Variants in TEAD1 observed in about 807,000 individuals in gnomAD.
TEAD1 encodes transcriptional enhancer factor TEF-1.
A neutral mutation model predicts 54.9 loss-of-function variants in TEAD1; 9 were observed. That is an observed-to-expected ratio of 0.16 (90% CI 0.10 to 0.29). TEAD1 has a LOEUF of 0.29. Among genes scored for constraint, TEAD1 ranks in the 10% least tolerant of loss-of-function variants. The probability of loss-of-function intolerance (pLI) is 1.00; values close to 1 mark genes in which losing one functional copy is unlikely to be tolerated. For synonymous variants in TEAD1, 200 were observed against 187.8 expected, an observed-to-expected ratio of 1.07 and a Z score of -0.53; for missense variants, 387 against 535.9, an observed-to-expected ratio of 0.72 and a Z score of 2.74.
intron 3 of TEAD1, among the ~76,000 whole-genome samples, chr11:12,814,160 A>G (rs1009575314): frequency 5.9e-5 from 9 of 152,106 alleles, no homozygotes; most frequent in Non-Finnish European, 1.2e-4. Context: ...TCTCACTGAC[A>G]GTGGATGTCA....
chr11:12,740,229 T>C (rs1451491324), intron 2 of TEAD1, among the ~76,000 whole-genome samples: 1 of 152,196 alleles, frequency 6.6e-6, no homozygotes, highest in Non-Finnish European at 1.5e-5. Context: ...TCCTCATCTC[T>C]AAAATAGGAA....
chr11:12,925,805 G>A (rs2134164000), intron 11 of TEAD1, among the ~76,000 whole-genome samples: 1 of 152,298 alleles, frequency 6.6e-6, no homozygotes, highest in South Asian at 2.1e-4. Context: ...GTAGATAGAC[G>A]TCAAGGTGGT....
Position 12,748,290 on chromosome 11 carries a change from C to T in TEAD1, c.-54-15889C>T, listed in dbSNP as rs542491754. 7.9e-5 allele frequency among the ~76,000 whole-genome samples: 12 copies of T among 152,290 alleles called. No individual in the cohort carries two copies. The East Asian group carries it at 2.3e-3, about 29-fold the overall frequency. ...TCCCTGCAATTCTTAGAAATACCTA[C>T]CAAGGACAATATCAGCAAAAGTTTT... On this transcript the variant is annotated intron_variant, in intron 2 of 12. Transcript: ENST00000527636.
intron 2 of TEAD1, among the ~76,000 whole-genome samples, chr11:12,712,482 A>G (rs1462442375): frequency 1.3e-5 from 2 of 152,192 alleles, no homozygotes; most frequent in Non-Finnish European, 2.9e-5. Flanking sequence ...CATGTTCCCT[A>G]AACTCTGTTG....
chr11:12,878,761 TTA>T, intron 5 of TEAD1: 2 of 440,346 alleles, frequency 4.5e-6, no homozygotes, highest in Non-Finnish European at 6.9e-6. Flanking sequence ...TTCCCAAGTA[TTA>T]TATGTTTGTG....
At chr11:12,920,181 C>T (rs1254660422) in intron 10 of TEAD1, among the ~76,000 whole-genome samples, 2 of 152,142 alleles carry the variant, frequency 1.3e-5, no homozygotes, top group Admixed American at 6.6e-5. Flanking sequence ...CTTAAAAATG[C>T]GTCAGATCTG....
At chr11:12,778,748 G>A (rs1206390021) in intron 3 of TEAD1, among the ~76,000 whole-genome samples, 2 of 151,954 alleles carry the variant, frequency 1.3e-5, no homozygotes, top group Non-Finnish European at 2.9e-5. Context: ...TACATTCTTG[G>A]CATTTTTATG....
chr11:12,741,745 T>C lies in TEAD1; in HGVS notation c.-54-22434T>C, dbSNP rs553067206. On this transcript the variant is annotated intron_variant, in intron 2 of 12. Coordinates refer to ENST00000527636, the MANE Select transcript of TEAD1 (RefSeq NM_021961.6). ...AAAGAGGAGGTCAAAAAGTCTTTTT[T>C]CCCCCTGCCTTGCAGTAGCAAGGCT... is the stretch of plus-strand genomic sequence containing the variant. 2.0e-5 allele frequency among the ~76,000 whole-genome samples: 3 copies of C among 152,302 alleles called. No individual in the cohort carries two copies. In the South Asian group the frequency reaches 6.2e-4, roughly 32 times the overall value.
rs1947955524 is a variant in TEAD1, at chr11:12,881,028, A to G, written c.489A>G (p.Thr163=). 3 of 1,614,192 alleles carry G rather than the reference A, an allele frequency of 1.9e-6. No individual in the cohort carries two copies. The highest frequency in any genetic ancestry group is 8.5e-7 in the Non-Finnish European group (1 of 1,180,036). The change falls in exon 7 of 13, where the codon ACA becomes ACG. Residue 163 remains threonine, a synonymous_variant. Coordinates refer to ENST00000527636, the MANE Select transcript of TEAD1 (RefSeq NM_021961.6). ...AGTTCTGGCCGGGAATGATTCAAAC[A>G]GGGCAGCCAGGATCCTCACAAGAGT...
intron 3 of TEAD1, among the ~76,000 whole-genome samples, chr11:12,835,286 T>C (rs1946863735): frequency 6.6e-6 from 1 of 152,170 alleles, no homozygotes; most frequent in South Asian, 2.1e-4. Context: ...GTCTAGAATT[T>C]ATACTTGCAG....
At chr11:12,835,848 AAGG>A (rs1305931392) in intron 3 of TEAD1, among the ~76,000 whole-genome samples, 2 of 152,162 alleles carry the variant, frequency 1.3e-5, no homozygotes, top group Admixed American at 6.5e-5. Context: ...TGGATGGAGA[AAGG>A]AGAGGTCTTA....
intron 5 of TEAD1, 166 bp from the exon 6 acceptor site, chr11:12,879,541 GA>G: frequency 3.7e-6 from 3 of 801,316 alleles, no homozygotes; most frequent in Non-Finnish European, 6.3e-6. Flanking sequence ...ACGGTAGGTT[GA>G]GTGTGGTTTA....
chr11:12,773,909 G>A (rs914711843), intron 3 of TEAD1, among the ~76,000 whole-genome samples: 1 of 152,182 alleles, frequency 6.6e-6, no homozygotes, highest in Non-Finnish European at 1.5e-5. Flanking sequence ...TGTTCTAAGA[G>A]TTTATAGTTG....
chr11:12,719,048 G>A (rs1204009096), intron 2 of TEAD1, among the ~76,000 whole-genome samples: 1 of 151,800 alleles, frequency 6.6e-6, no homozygotes, highest in Admixed American at 6.6e-5. Flanking sequence ...GTTTTCAAAT[G>A]TGGTTGGTTT....
At chr11:12,929,469 A>T (rs138336328) in intron 11 of TEAD1, among the ~76,000 whole-genome samples, 8 of 150,828 alleles carry the variant, frequency 5.3e-5, no homozygotes, top group African/African-American at 1.9e-4. Context: ...TTATTCTGTA[A>T]ATTTTTACCT....
intron 2 of TEAD1, among the ~76,000 whole-genome samples, chr11:12,719,004 A>G (rs1245693549): frequency 6.7e-6 from 1 of 149,478 alleles, no homozygotes; most frequent in Non-Finnish European, 1.5e-5. Flanking sequence ...TTTTTTTTTT[A>G]GGGGGGGGAG....
chr11:12,911,899 C>A (rs561626020), intron 10 of TEAD1, among the ~76,000 whole-genome samples: 2 of 151,818 alleles, frequency 1.3e-5, no homozygotes, highest in African/African-American at 4.8e-5. Context: ...TCTAAGGGAG[C>A]GTACCCTGTC....
intron 3 of TEAD1, among the ~76,000 whole-genome samples, chr11:12,805,803 A>G (rs999130154): frequency 3.9e-5 from 6 of 152,242 alleles, no homozygotes; most frequent in African/African-American, 1.2e-4. Flanking sequence ...TGTACCTTCC[A>G]AAGAATTGAT....
chr11:12,845,253 T>C (rs1866703), intron 3 of TEAD1, among the ~76,000 whole-genome samples: 152,141 of 152,264 alleles, frequency 1, 76,009 homozygotes, highest in Middle Eastern at 1. Context: ...TGAGCCACTG[T>C]GCCGGGCCTA....
Sources: allele counts gnomAD v4.1 joint callset (sites outside exome capture counted in the v4.1 genomes callset), GRCh38; gene constraint gnomAD v4.1.1; transcripts MANE v1.5; gene names NCBI Gene and HGNC (gene_info 2026-07-23, HGNC 2026-07-21).